Variants in ZNF385B observed in about 807,000 individuals in gnomAD.
ZNF385B encodes the protein zinc finger protein 533.
Under a neutral mutation model 39.2 loss-of-function variants are expected in ZNF385B, and 23 were observed. The ratio of observed to expected loss-of-function variants is 0.59; its 90% CI spans 0.42 to 0.83. The LOEUF (loss-of-function observed/expected upper bound fraction) is 0.83, where lower values mean the gene tolerates loss of function less well. ZNF385B is among the 40% of genes least tolerant of loss of function. The probability of loss-of-function intolerance (pLI) is 0.00; values close to 1 mark genes in which losing one functional copy is unlikely to be tolerated. For synonymous variants in ZNF385B, 205 were observed against 222.6 expected, an observed-to-expected ratio of 0.92 and a Z score of 0.70; for missense variants, 552 against 598.9, an observed-to-expected ratio of 0.92 and a Z score of 0.82.
intron 3 of ZNF385B, among the ~76,000 whole-genome samples, chr2:179,595,161 A>G (rs16866838): frequency 0.13 from 20,233 of 152,186 alleles, 1,405 homozygotes; most frequent in Non-Finnish European, 0.15. Context: ...AGAATTAATG[A>G]AGATCTGAAA....
At chr2:179,818,701 C>A (rs1306012354) in intron 1 of ZNF385B, among the ~76,000 whole-genome samples, 1 of 152,190 alleles carries the variant, frequency 6.6e-6, no homozygotes, top group Non-Finnish European at 1.5e-5. Flanking sequence ...CCGGTCAGTT[C>A]GTTCGGCCTC....
At chr2:179,537,375 T>C (rs1398186475) in intron 4 of ZNF385B, among the ~76,000 whole-genome samples, 1 of 151,118 alleles carries the variant, frequency 6.6e-6, no homozygotes, top group East Asian at 1.9e-4. Flanking sequence ...AGGGACACAA[T>C]AGTGCAGATG....
At chr2:179,731,183 T>A (rs1015552292) in intron 3 of ZNF385B, among the ~76,000 whole-genome samples, 25 of 152,228 alleles carry the variant, frequency 1.6e-4, no homozygotes, top group Non-Finnish European at 2.8e-4. Flanking sequence ...AAGGTGTACC[T>A]CTGCTTTTAC....
intron 1 of ZNF385B, among the ~76,000 whole-genome samples, chr2:179,805,700 A>T (rs1370246310): frequency 6.6e-6 from 1 of 152,204 alleles, no homozygotes; most frequent in African/African-American, 2.4e-5. Context: ...GGATTAAATG[A>T]ATATGTAAAA....
At chr2:179,676,155 C>A (rs1395710550) in intron 3 of ZNF385B, among the ~76,000 whole-genome samples, 2 of 151,198 alleles carry the variant, frequency 1.3e-5, no homozygotes, top group Non-Finnish European at 2.9e-5. Context: ...GTGGCACGAT[C>A]TCTGCTCACT....
chr2:179,760,433 G>A lies in ZNF385B; in HGVS notation c.298+9070C>T, dbSNP rs556184258. ...TGTATAAATGGAATTCATACAGTAT[G>A]TTACTTTGGGGATTGGCTTTTTCCA... is the stretch of plus-strand genomic sequence containing the variant. On this transcript the variant is annotated intron_variant, in intron 3 of 9. Coordinates refer to ENST00000410066, the MANE Select transcript of ZNF385B (RefSeq NM_152520.6). Among the ~76,000 whole-genome samples the A allele has an allele frequency of 4.6e-5, 7 of 152,258 alleles. 1 individual carries two copies. The South Asian group carries it at 1.5e-3, about 32-fold the overall frequency.
intron 3 of ZNF385B, among the ~76,000 whole-genome samples, chr2:179,730,921 A>C (rs570687339): frequency 2.6e-5 from 4 of 152,204 alleles, no homozygotes; most frequent in Non-Finnish European, 4.4e-5. Context: ...AAAGCAACAA[A>C]AGTTATAAAC....
At chr2:179,537,724 G>C (rs2059663331) in intron 4 of ZNF385B, among the ~76,000 whole-genome samples, 1 of 149,062 alleles carries the variant, frequency 6.7e-6, no homozygotes, top group Non-Finnish European at 1.5e-5. Flanking sequence ...CTAGGTGACA[G>C]AGCAAGACTC....
chr2:179,815,810 T>C (rs1707029383), intron 1 of ZNF385B, among the ~76,000 whole-genome samples: 3 of 152,152 alleles, frequency 2.0e-5, no homozygotes, highest in African/African-American at 7.2e-5. Flanking sequence ...AATGTATTTG[T>C]TTCCAGGACA....
At chr2:179,711,005 T>G (rs1273693112) in intron 3 of ZNF385B, among the ~76,000 whole-genome samples, 10 of 152,186 alleles carry the variant, frequency 6.6e-5, no homozygotes, top group African/African-American at 2.4e-4. Context: ...GGAAGCAAGT[T>G]AATGTTACCC....
In ZNF385B at chr2:179,770,569, T is replaced by C. The variant is rs1164096427; in HGVS notation, c.-51A>G. On this transcript the variant is annotated 5_prime_UTR_variant, in exon 2 of 10. Transcript: ENST00000410066. ...CTTTATAAGTCAGCTGACAGGAATT[T>C]GGACATATTTTCTTATTCTTGTAGT... is the stretch of plus-strand genomic sequence containing the variant. 6.6e-6 allele frequency: 1 copy of C among 152,218 alleles called. No individual in the cohort carries two copies. Among genetic ancestry groups the C allele is most frequent in the African/African-American group, 2.4e-5 (1 of 41,462 alleles). 9.4% of individuals were successfully genotyped at this position (152,218 alleles called of 1,614,324 possible).
intron 3 of ZNF385B, among the ~76,000 whole-genome samples, chr2:179,593,736 C>A (rs1687766588): frequency 6.6e-6 from 1 of 152,104 alleles, no homozygotes; most frequent in African/African-American, 2.4e-5. Context: ...CTATACCATC[C>A]TTTAACTCAT....
chr2:179,698,338 AT>A (rs1190668498), intron 3 of ZNF385B, among the ~76,000 whole-genome samples: 3 of 152,194 alleles, frequency 2.0e-5, no homozygotes, highest in African/African-American at 7.2e-5. Flanking sequence ...GGTAAAAATT[AT>A]TTCTATCACA....
intron 3 of ZNF385B, among the ~76,000 whole-genome samples, chr2:179,600,716 A>G (rs542631835): frequency 6.6e-6 from 1 of 152,320 alleles, no homozygotes; most frequent in African/African-American, 2.4e-5. Context: ...TAGTCTTGCA[A>G]TTATTATTTT....
At chr2:179,646,598 C>T (rs1692741498) in intron 3 of ZNF385B, among the ~76,000 whole-genome samples, 1 of 152,160 alleles carries the variant, frequency 6.6e-6, no homozygotes, top group Admixed American at 6.5e-5. Flanking sequence ...AATAAATCTC[C>T]CTGACTTGCT....
chr2:179,814,900 G>T (rs1007377573), intron 1 of ZNF385B, among the ~76,000 whole-genome samples: 5 of 152,158 alleles, frequency 3.3e-5, no homozygotes, highest in African/African-American at 4.8e-5. Flanking sequence ...TGTATATATA[G>T]TTGCATCACA....
chr2:179,788,484 A>G (rs1271341149), intron 1 of ZNF385B, among the ~76,000 whole-genome samples: 1 of 152,224 alleles, frequency 6.6e-6, no homozygotes, highest in Non-Finnish European at 1.5e-5. Context: ...TTGAGAGTTC[A>G]GAACACCAGG....
intron 5 of ZNF385B, among the ~76,000 whole-genome samples, chr2:179,490,437 A>T (rs749193619): frequency 7.2e-5 from 11 of 152,086 alleles, no homozygotes; most frequent in Non-Finnish European, 1.5e-4. Flanking sequence ...TAATTTTTCA[A>T]ATGTGTTTAT....
At chr2:179,508,935 GTCATCATAATCAC>G (rs1418902080) in intron 5 of ZNF385B, among the ~76,000 whole-genome samples, 4 of 150,832 alleles carry the variant, frequency 2.7e-5, no homozygotes, top group Admixed American at 2.6e-4. Flanking sequence ...ACATTTATGC[GTCATCATAATCAC>G]TTTTTTTTTT....
Sources: allele counts gnomAD v4.1 joint callset (sites outside exome capture counted in the v4.1 genomes callset), GRCh38; gene constraint gnomAD v4.1.1; transcripts MANE v1.5; gene names NCBI Gene and HGNC (gene_info 2026-07-23, HGNC 2026-07-21).